DNAH11: variants seen among roughly 807,000 people sequenced by gnomAD.
DNAH11 encodes axonemal beta dynein heavy chain 11.
Under a neutral mutation model 526.0 loss-of-function variants are expected in DNAH11, and 442 were observed. The observed-to-expected ratio is 0.84, with a 90% CI of 0.78 to 0.91. The LOEUF (loss-of-function observed/expected upper bound fraction) is 0.91, where lower values mean the gene tolerates loss of function less well. Among genes scored for constraint, DNAH11 ranks in the 40% least tolerant of loss-of-function variants. The pLI, the probability that DNAH11 is intolerant of heterozygous loss-of-function variation, is 0.00. For synonymous variants in DNAH11, 2,461 were observed against 1,935.9 expected (o/e 1.27, Z -7.12); for missense variants, 6,989 against 5,448.7 (o/e 1.28, Z -8.90).
At chr7:21,873,537 T>A in intron 74 of DNAH11, 36 bp downstream of exon 74, 2 of 1,596,156 alleles carry the variant, frequency 1.3e-6, no homozygotes, top group South Asian at 1.1e-5. Flanking sequence ...GACAATGAAG[T>A]CAGAGTCATC....
At position 21,842,625 on chromosome 7, in the gene DNAH11, C is replaced by T; in HGVS notation, c.10773C>T (p.His3591=). ...LILHTKLANP[H]YKPELQAQTT... ...TTCACACAAAATTGGCAAATCCTCACTATAAGCCGGAATTACAAGCTCAGA... is the reference window on the plus strand; with the variant it reads ...TTCACACAAAATTGGCAAATCCTCATTATAAGCCGGAATTACAAGCTCAGA... Residue 3591 remains histidine (H), a synonymous_variant, in exon 66 of 82, where the codon CAC becomes CAT. Coordinates refer to ENST00000409508, the MANE Select transcript of DNAH11 (RefSeq NM_001277115.2). 6.8e-6 allele frequency: 11 copies of T among 1,613,978 alleles called. No individual in the cohort carries two copies. The highest frequency in any genetic ancestry group is 9.3e-6 in the Non-Finnish European group (11 of 1,179,886).
At chr7:21,875,802 T>C (rs975430669) in intron 74 of DNAH11, among the ~76,000 whole-genome samples, 12 of 152,044 alleles carry the variant, frequency 7.9e-5, no homozygotes, top group African/African-American at 2.7e-4. Context: ...TTGACTGCTA[T>C]CTGGAAAGCC....
In DNAH11 at chr7:21,564,188, C is replaced by T; in HGVS notation, c.985C>T (p.Leu329Phe). The change falls in exon 6 of 82, where the codon CTT becomes TTT. Residue 329 changes from leucine (L) to phenylalanine (F), a missense_variant and splice_region_variant. Coordinates refer to ENST00000409508, the MANE Select transcript of DNAH11 (RefSeq NM_001277115.2). ...KDIFLAVENA[L>F]LEAQDVELYL... ...TAATGGTGGTTCTTTGCTTTCAGCT[C>T]TTCTCGAAGCCCAAGATGTGGAACT... The T allele has an allele frequency of 6.4e-7, 1 of 1,565,390 alleles. No individual in the cohort carries two copies. The highest frequency in any genetic ancestry group is 8.6e-7 in the Non-Finnish European group (1 of 1,158,436).
At chr7:21,834,895 T>C (rs749117882) in intron 65 of DNAH11, among the ~76,000 whole-genome samples, 2 of 152,044 alleles carry the variant, frequency 1.3e-5, no homozygotes, top group Non-Finnish European at 2.9e-5. Flanking sequence ...AGCAAACCTC[T>C]ACTTAGACTA....
chr7:21,628,363 G>A (rs1470026346), intron 25 of DNAH11, among the ~76,000 whole-genome samples: 1 of 152,008 alleles, frequency 6.6e-6, no homozygotes, highest in African/African-American at 2.4e-5. Context: ...ATCTTGTCTT[G>A]TTCCAGATCT....
chr7:21,570,288 A>C lies in DNAH11; in HGVS notation c.1414A>C (p.Ile472Leu). The C allele has an allele frequency of 6.2e-7, 1 of 1,604,044 alleles. No individual in the cohort carries two copies. The highest frequency in any genetic ancestry group is 8.5e-7 in the Non-Finnish European group (1 of 1,176,998). Reference sequence around the variant, plus strand: ...ATTTGACAAGTTTCTTGATCGTTTAATAAAAATAGAGGTATTCATTTTTTG... The same window carrying C: ...ATTTGACAAGTTTCTTGATCGTTTACTAAAAATAGAGGTATTCATTTTTTG... ...CRFDKFLDRLIKIEDIFATTL... is the reference protein window; with the variant it reads ...CRFDKFLDRLLKIEDIFATTL... Residue 472 changes from isoleucine (I) to leucine (L), a missense_variant, in exon 7 of 82, where the codon ATA becomes CTA. Ile to Leu is a conservative substitution (Grantham distance 5). Transcript: ENST00000409508.
chr7:21,900,980 A>ATTGCAACCGCTGTGT, intron 81 of DNAH11, 27 bp from the exon 82 acceptor site: 1 of 1,547,436 alleles, frequency 6.5e-7, no homozygotes, highest in Non-Finnish European at 8.7e-7. Context: ...CTGCCACACA[A>ATTGCAACCGCTGTGT]TTGCAACCGC....
intron 61 of DNAH11, among the ~76,000 whole-genome samples, chr7:21,790,098 A>G (rs1788411469): frequency 6.6e-6 from 1 of 151,928 alleles, no homozygotes; most frequent in Non-Finnish European, 1.5e-5. Context: ...GGATTTAAAT[A>G]AGAGTAATTC....
intron 2 of DNAH11, among the ~76,000 whole-genome samples, chr7:21,547,662 G>A (rs1383682737): frequency 2.0e-5 from 3 of 152,072 alleles, no homozygotes; most frequent in Non-Finnish European, 1.5e-5. Flanking sequence ...TCTACATTCT[G>A]TTCCTTTATC....
rs573727689 is a variant in DNAH11 at position 21,588,147 on chromosome 7, G to T, written c.1794G>T (p.Met598Ile). 6.0e-5 allele frequency: 96 copies of T among 1,613,396 alleles called. No homozygotes were observed. The highest frequency in any genetic ancestry group is 7.8e-5 in the Non-Finnish European group (92 of 1,179,652). Residue 598 changes from methionine to isoleucine, a missense_variant, in exon 10 of 82, where the codon ATG (methionine) becomes ATT (isoleucine). Coordinates refer to ENST00000409508, the MANE Select transcript of DNAH11 (RefSeq NM_001277115.2). ...TACATTACAGCACACTAGTGCATAT[G>T]TTTAATACAGAGCTGGATGTGTGTA... is the stretch of plus-strand genomic sequence containing the variant. Reference protein sequence around the residue: ...FSLHYSTLVHMFNTELDVCKQ... With the variant: ...FSLHYSTLVHIFNTELDVCKQ...
rs936907548 is a variant in DNAH11 at position 21,543,613 on chromosome 7, A to G, written c.351+17A>G. 1.3e-5 allele frequency: 20 copies of G among 1,569,750 alleles called. No individual in the cohort carries two copies. The Admixed American group carries it at 3.0e-4, about 24-fold the overall frequency. On this transcript the variant is annotated intron_variant, in intron 1 of 81. Transcript: ENST00000409508. ...TCCCAGGAGGTAAGAGGCGACGGGC[A>G]AGGGGACCTGCCCATCCAACAAAAC...
intron 65 of DNAH11, among the ~76,000 whole-genome samples, chr7:21,838,375 C>A (rs1782073550): frequency 6.6e-6 from 1 of 152,124 alleles, no homozygotes; most frequent in African/African-American, 2.4e-5. Flanking sequence ...TTGGTAGCAT[C>A]CTTATCAAGA....
In DNAH11 at chr7:21,591,574, C is replaced by A; in HGVS notation, c.2664C>A (p.Val888=). The A allele has an allele frequency of 1.9e-6, 3 of 1,554,650 alleles. No homozygotes were observed. Among genetic ancestry groups the A allele is most frequent in the South Asian group, 2.5e-5 (2 of 80,702 alleles). Residue 888 remains valine, a synonymous_variant, in exon 14 of 82, where the codon GTC becomes GTA. Coordinates refer to ENST00000409508, the MANE Select transcript of DNAH11 (RefSeq NM_001277115.2). ...ATGGCTGCAAGATCCACAACTTGGT[C>A]GAGGTAATGGCTTTTAACCTTTCAA... ...QGDGCKIHNL[V]EENRKLFKAN...
chr7:21,754,757 AC>A (rs1474888866), intron 54 of DNAH11, among the ~76,000 whole-genome samples: 1 of 152,094 alleles, frequency 6.6e-6, no homozygotes, highest in Non-Finnish European at 1.5e-5. Context: ...AGTTTGATCC[AC>A]CCTGTGGAAG....
chr7:21,844,783 C>T (rs1159604854), intron 66 of DNAH11, among the ~76,000 whole-genome samples: 3 of 152,238 alleles, frequency 2.0e-5, no homozygotes, highest in East Asian at 3.8e-4. Context: ...GGTCCATGCT[C>T]ATAGTCTGTG....
chr7:21,845,466 A>G (rs1460925536), intron 66 of DNAH11, among the ~76,000 whole-genome samples: 1 of 152,034 alleles, frequency 6.6e-6, no homozygotes, highest in African/African-American at 2.4e-5. Flanking sequence ...TGAAAAGACT[A>G]TATTTTCTCC....
chr7:21,748,516 C>T, intron 51 of DNAH11, 64 bp from the exon 52 acceptor site: 1 of 1,318,854 alleles, frequency 7.6e-7, no homozygotes, highest in South Asian at 2.7e-5. Flanking sequence ...TAAAAATAAA[C>T]AGAACAGACA....
intron 30 of DNAH11, among the ~76,000 whole-genome samples, chr7:21,661,438 G>A (rs552578329): frequency 2.0e-4 from 31 of 151,942 alleles, no homozygotes; most frequent in African/African-American, 6.3e-4. Context: ...AGAATTCTAA[G>A]TTGATAGTTT....
At chr7:21,691,781 C>T (rs749820769) in intron 35 of DNAH11, among the ~76,000 whole-genome samples, 1 of 152,112 alleles carries the variant, frequency 6.6e-6, no homozygotes, top group Non-Finnish European at 1.5e-5. Flanking sequence ...CCCTCTCATG[C>T]CTTGTTCATA....
Sources: allele counts gnomAD v4.1 joint callset (sites outside exome capture counted in the v4.1 genomes callset), GRCh38; gene constraint gnomAD v4.1.1; transcripts MANE v1.5; gene names NCBI Gene and HGNC (gene_info 2026-07-23, HGNC 2026-07-21).